Variants in METTL15 observed in about 807,000 individuals in gnomAD.
METTL15 encodes methyltransferase 15, mitochondrial 12S rRNA N4-cytidine.
METTL15 carries 34 observed loss-of-function variants against 38.3 expected under a neutral mutation model. That is an observed-to-expected ratio of 0.89 (90% CI 0.68 to 1.18). The LOEUF (loss-of-function observed/expected upper bound fraction) is 1.18, where lower values mean the gene tolerates loss of function less well. METTL15 is among the 50% of genes most tolerant of loss of function. The probability of loss-of-function intolerance (pLI) is 0.00; values close to 1 mark genes in which losing one functional copy is unlikely to be tolerated. For synonymous variants in METTL15, 162 were observed against 170.9 expected, an observed-to-expected ratio of 0.95 and a Z score of 0.41; for missense variants, 438 against 498.4, an observed-to-expected ratio of 0.88 and a Z score of 1.15.
intron 4 of METTL15, among the ~76,000 whole-genome samples, chr11:28,242,321 G>A (rs1854334907): frequency 6.6e-6 from 1 of 152,114 alleles, no homozygotes; most frequent in African/African-American, 2.4e-5. Context: ...AGACAGAAAT[G>A]ATGTCTTATT....
At chr11:28,257,105 T>A (rs1855003562) in intron 4 of METTL15, among the ~76,000 whole-genome samples, 1 of 152,180 alleles carries the variant, frequency 6.6e-6, no homozygotes, top group African/African-American at 2.4e-5. Context: ...CCTTTGGCTT[T>A]TGTTTATCTG....
At chr11:28,189,883 G>A (rs1031688845) in intron 3 of METTL15, among the ~76,000 whole-genome samples, 1 of 151,228 alleles carries the variant, frequency 6.6e-6, no homozygotes, top group Non-Finnish European at 1.5e-5. Context: ...CATTGTGATA[G>A]TACTTAGTTA....
chr11:28,388,009 A>G (rs764263840), intron 5 of METTL15, among the ~76,000 whole-genome samples: 4 of 151,036 alleles, frequency 2.6e-5, no homozygotes, highest in Admixed American at 1.3e-4. Context: ...CACTTTTGTG[A>G]TAAAAATACT....
intron 4 of METTL15, among the ~76,000 whole-genome samples, chr11:28,274,794 A>T (rs557625763): frequency 2.2e-3 from 335 of 152,062 alleles, no homozygotes; most frequent in Non-Finnish European, 3.5e-3. Context: ...ATCAATGGAT[A>T]CTAGGATAAG....
At chr11:28,251,783 TAAAA>T (rs1018794080) in intron 4 of METTL15, among the ~76,000 whole-genome samples, 5 of 151,934 alleles carry the variant, frequency 3.3e-5, no homozygotes, top group Admixed American at 3.3e-4. Flanking sequence ...CTTGATCCCT[TAAAA>T]AAATAAGTGC....
chr11:28,210,921 A>G (rs1170383445), intron 3 of METTL15, 141 bp from the exon 4 acceptor site: 3 of 882,364 alleles, frequency 3.4e-6, no homozygotes, highest in African/African-American at 3.4e-5. Flanking sequence ...AACAAATTCA[A>G]CTATAGGCAC....
chr11:28,373,932 C>T (rs547747427), intron 5 of METTL15, among the ~76,000 whole-genome samples: 1 of 152,090 alleles, frequency 6.6e-6, no homozygotes, highest in Non-Finnish European at 1.5e-5. Context: ...AATCCTTTCC[C>T]CATTGCTTGT....
chr11:28,438,648 CT>C (rs1474349430), intron 6 of METTL15, among the ~76,000 whole-genome samples: 1 of 146,618 alleles, frequency 6.8e-6, no homozygotes. Flanking sequence ...ATAGATCACG[CT>C]TTTTTTTTCT....
At chr11:28,182,587 A>T (rs1019005564) in intron 3 of METTL15, among the ~76,000 whole-genome samples, 1 of 151,962 alleles carries the variant, frequency 6.6e-6, no homozygotes, top group African/African-American at 2.4e-5. Context: ...GTTATTTCTG[A>T]GGGCTCTGTT....
At chr11:28,279,911 AAAC>A (rs1470381648) in intron 4 of METTL15, among the ~76,000 whole-genome samples, 16 of 148,006 alleles carry the variant, frequency 1.1e-4, no homozygotes, top group African/African-American at 3.9e-4. Context: ...AAACAAAACA[AAAC>A]AAAAAAAAAA....
intron 6 of METTL15, among the ~76,000 whole-genome samples, chr11:28,434,906 G>A (rs1850967697): frequency 6.6e-6 from 1 of 152,174 alleles, no homozygotes; most frequent in African/African-American, 2.4e-5. Flanking sequence ...TCATGGTAGT[G>A]GCAGGAATCA....
At chr11:28,479,381 G>T (rs1014028033) in intron 6 of METTL15, among the ~76,000 whole-genome samples, 1 of 152,158 alleles carries the variant, frequency 6.6e-6, no homozygotes, top group Non-Finnish European at 1.5e-5. Flanking sequence ...TCCAAAGAGA[G>T]AAGTGACAGC....
chr11:28,127,688 A>T (rs1852554315), intron 3 of METTL15, among the ~76,000 whole-genome samples: 1 of 152,150 alleles, frequency 6.6e-6, no homozygotes, highest in Admixed American at 6.6e-5. Context: ...TGAAAGAAGC[A>T]TTTTATTGCT....
At chr11:28,123,893 T>G in intron 3 of METTL15, 1 of 1,467,378 alleles carries the variant, frequency 6.8e-7, no homozygotes, top group Non-Finnish European at 9.1e-7. Flanking sequence ...ATTTAATATA[T>G]TCATAAAGAT....
chr11:28,113,213 C>CTT, intron 2 of METTL15, 105 bp from the exon 3 acceptor site: 1 of 756,862 alleles, frequency 1.3e-6, no homozygotes, highest in Non-Finnish European at 2.1e-6. Flanking sequence ...TGAGTCTTAA[C>CTT]TTTTTTTTGA....
At chr11:28,445,350 G>A (rs1264723702) in intron 6 of METTL15, among the ~76,000 whole-genome samples, 2 of 152,118 alleles carry the variant, frequency 1.3e-5, no homozygotes, top group Non-Finnish European at 2.9e-5. Flanking sequence ...GTGTATGTGT[G>A]TGTGTTTACT....
intron 6 of METTL15, among the ~76,000 whole-genome samples, chr11:28,430,272 A>AGGT (rs1850906832): frequency 7.9e-6 from 1 of 127,240 alleles, no homozygotes; most frequent in Admixed American, 7.7e-5. Flanking sequence ...TCCGGGAGGG[A>AGGT]GGTGGGGGGT....
chr11:28,113,673 T>C, intron 3 of METTL15, 69 bp downstream of exon 3: 1 of 1,523,652 alleles, frequency 6.6e-7, no homozygotes, highest in Non-Finnish European at 8.9e-7. Flanking sequence ...ATATTCATTA[T>C]TTTAAGGTAT....
chr11:28,262,290 T>A (rs1855235479), intron 4 of METTL15, among the ~76,000 whole-genome samples: 1 of 151,466 alleles, frequency 6.6e-6, no homozygotes, highest in Non-Finnish European at 1.5e-5. Context: ...CATAGATATA[T>A]ATGTATATAT....
Sources: allele counts gnomAD v4.1 joint callset (sites outside exome capture counted in the v4.1 genomes callset), GRCh38; gene constraint gnomAD v4.1.1; transcripts MANE v1.5; gene names NCBI Gene and HGNC (gene_info 2026-07-23, HGNC 2026-07-21).